PCDHA2: variants seen among roughly 807,000 people sequenced by gnomAD.
PCDHA2 encodes protocadherin alpha-2.
Under a neutral mutation model 66.0 loss-of-function variants are expected in PCDHA2, and 58 were observed. The observed-to-expected ratio is 0.88, with a 90% CI of 0.71 to 1.09. The LOEUF (loss-of-function observed/expected upper bound fraction) is 1.09. Among genes scored for constraint, PCDHA2 ranks in the 50% least tolerant of loss-of-function variants. The pLI, the probability that PCDHA2 is intolerant of heterozygous loss-of-function variation, is 0.00. For missense variants in PCDHA2, 1,267 were observed against 1,242.3 expected (o/e 1.02, Z -0.30); for synonymous variants, 634 against 554.0 (o/e 1.14, Z -2.03).
At position 140,884,506 on chromosome 5, in the gene PCDHA2, G is replaced by C. The variant is rs10076265; in HGVS notation, c.2388+87154G>C. 4,595 of 1,614,168 alleles carry C rather than the reference G, an allele frequency of 2.8e-3. 101 individuals are homozygous for C. In the African/African-American group the frequency reaches 0.053, roughly 19 times the overall value. On this transcript the variant is annotated intron_variant, in intron 1 of 3. Coordinates refer to ENST00000526136, the MANE Select transcript of PCDHA2 (RefSeq NM_018905.3). Reference sequence around the variant, plus strand: ...CTCTAGTGTGCTCCAGCGCGGCAGGGAGTTGGTCGTACTCGCAGCAGAGGC... The same window carrying C: ...CTCTAGTGTGCTCCAGCGCGGCAGGCAGTTGGTCGTACTCGCAGCAGAGGC...
At chr5:140,840,223 T>A (rs1776612782) in intron 1 of PCDHA2, among the ~76,000 whole-genome samples, 1 of 151,924 alleles carries the variant, frequency 6.6e-6, no homozygotes, top group African/African-American at 2.4e-5. Flanking sequence ...TACATATGAG[T>A]AAATGTGGAG....
chr5:140,966,453 C>G, intron 1 of PCDHA2: 1 of 426,310 alleles, frequency 2.3e-6, no homozygotes, highest in Non-Finnish European at 4.1e-6. Flanking sequence ...TTCCCCCTCC[C>G]CCTCTGTCTT....
At chr5:140,803,599 A>C in intron 1 of PCDHA2, 1 of 1,614,058 alleles carries the variant, frequency 6.2e-7, no homozygotes, top group East Asian at 2.2e-5. Flanking sequence ...AAAGTGAGTA[A>C]TTTTTATTTA....
intron 1 of PCDHA2, chr5:140,876,222 G>T (rs923525457): frequency 6.2e-7 from 1 of 1,613,972 alleles, no homozygotes; most frequent in Non-Finnish European, 8.5e-7. Flanking sequence ...ATAAAGTAGT[G>T]TTGTCTGAAA....
At chr5:140,854,858 T>C (rs2043245736) in intron 1 of PCDHA2, among the ~76,000 whole-genome samples, 1 of 149,904 alleles carries the variant, frequency 6.7e-6, no homozygotes. Flanking sequence ...AATTACTAGA[T>C]ATATTTCAGA....
chr5:140,986,371 G>T (rs1453761888), intron 3 of PCDHA2, among the ~76,000 whole-genome samples: 2 of 152,116 alleles, frequency 1.3e-5, no homozygotes, highest in African/African-American at 2.4e-5. Flanking sequence ...AATGCGTTTT[G>T]GGGGGAGGGA....
intron 2 of PCDHA2, among the ~76,000 whole-genome samples, chr5:140,979,943 T>A (rs2153820467): frequency 6.6e-6 from 1 of 152,364 alleles, no homozygotes; most frequent in Admixed American, 6.5e-5. Context: ...GTAGAGTTAA[T>A]GTGAAATTAG....
At chr5:140,817,434 G>C (rs2150098195) in intron 1 of PCDHA2, 17 of 152,176 alleles carry the variant, frequency 1.1e-4, no homozygotes, top group African/African-American at 4.1e-4. Flanking sequence ...TGGAGGGTCT[G>C]GGGATTCCTA....
At chr5:140,803,410 C>T (rs369771411) in intron 1 of PCDHA2, 3 of 1,614,118 alleles carry the variant, frequency 1.9e-6, no homozygotes, top group African/African-American at 1.3e-5. Flanking sequence ...GGCAAGCCCA[C>T]GCTGGTGTGC....
chr5:140,856,332 G>A, intron 1 of PCDHA2: 2 of 1,598,636 alleles, frequency 1.3e-6, no homozygotes, highest in East Asian at 2.2e-5. Context: ...GAGGAGCTGT[G>A]CGGGCGGAGC....
intron 1 of PCDHA2, among the ~76,000 whole-genome samples, chr5:140,839,603 T>TG (rs1554137521): frequency 6.6e-6 from 1 of 152,086 alleles, no homozygotes; most frequent in African/African-American, 2.4e-5. Context: ...TTGCCCAGGC[T>TG]GGTCTCAAAC....
intron 1 of PCDHA2, among the ~76,000 whole-genome samples, chr5:140,845,729 T>C (rs952746067): frequency 6.7e-6 from 1 of 149,682 alleles, no homozygotes; most frequent in Non-Finnish European, 1.5e-5. Flanking sequence ...TAAATGTGAA[T>C]TCTACTTTAT....
intron 1 of PCDHA2, among the ~76,000 whole-genome samples, chr5:140,904,056 G>A (rs1474308111): frequency 6.6e-6 from 1 of 151,944 alleles, no homozygotes; most frequent in Non-Finnish European, 1.5e-5. Context: ...TATTTCAATG[G>A]GTTTTTGGGG....
At chr5:140,857,489 G>A (rs1168742927) in intron 1 of PCDHA2, 3 of 1,598,334 alleles carry the variant, frequency 1.9e-6, no homozygotes, top group African/African-American at 1.3e-5. Context: ...TGCGTGGGAC[G>A]CGGACGCGCA....
intron 1 of PCDHA2, among the ~76,000 whole-genome samples, chr5:140,978,590 A>G (rs192815977): frequency 2.0e-4 from 31 of 152,334 alleles, no homozygotes; most frequent in African/African-American, 7.5e-4. Context: ...TGTTCCCTTA[A>G]TGGGGCACTT....
In PCDHA2 at chr5:141,010,896, A is replaced by G. The variant is rs1433932699; in HGVS notation, c.*959A>G. 6.5e-6 allele frequency: 1 copy of G among 153,790 alleles called. No individual in the cohort carries two copies. The highest frequency in any genetic ancestry group is 1.5e-5 in the Non-Finnish European group (1 of 68,052). The allele number at this position is 153,790 out of a possible 1,614,324, so 9.5% of individuals were successfully genotyped here. A position where few individuals can be genotyped will look rare whatever the true frequency, so the allele number is the denominator to read the frequency against. Reference sequence around the variant, plus strand: ...ATCTTTAAAGAGAAATATGAATACAATTCCCCTAAACTCTCCTCAAAAGAG... The same window carrying G: ...ATCTTTAAAGAGAAATATGAATACAGTTCCCCTAAACTCTCCTCAAAAGAG... On this transcript the variant is annotated 3_prime_UTR_variant, in exon 4 of 4. Coordinates refer to ENST00000526136, the MANE Select transcript of PCDHA2 (RefSeq NM_018905.3).
intron 1 of PCDHA2, chr5:140,877,662 C>A (rs1176424464): frequency 1.9e-6 from 3 of 1,613,440 alleles, no homozygotes; most frequent in East Asian, 2.2e-5. Context: ...CCACCGTGAG[C>A]CGGTGCGCGC....
intron 1 of PCDHA2, chr5:140,834,404 C>T (rs17844304): frequency 3.7e-6 from 6 of 1,606,068 alleles, no homozygotes; most frequent in South Asian, 3.3e-5. Flanking sequence ...CGAATGGATA[C>T]GACCCAGGGG....
intron 1 of PCDHA2, among the ~76,000 whole-genome samples, chr5:140,935,451 T>C (rs2090381894): frequency 6.6e-6 from 1 of 152,232 alleles, no homozygotes; most frequent in African/African-American, 2.4e-5. Context: ...AATATGATAC[T>C]GTAGCAGTTT....
Sources: allele counts gnomAD v4.1 joint callset (sites outside exome capture counted in the v4.1 genomes callset), GRCh38; gene constraint gnomAD v4.1.1; transcripts MANE v1.5; gene names NCBI Gene and HGNC (gene_info 2026-07-23, HGNC 2026-07-21).